Variants in IRF4 observed in about 807,000 individuals in gnomAD.
The protein encoded by IRF4 is interferon regulatory factor 4, also known as lymphocyte-specific interferon regulatory factor.
A neutral mutation model predicts 55.5 loss-of-function variants in IRF4; 13 were observed. The observed-to-expected ratio is 0.23, with a 90% CI of 0.15 to 0.37. The LOEUF (loss-of-function observed/expected upper bound fraction) is 0.37. Ranked by LOEUF, IRF4 falls within the 10% of genes least tolerant of loss-of-function variation. The pLI is 1.00. For synonymous variants in IRF4, 249 were observed against 240.7 expected (o/e 1.03, Z -0.32); for missense variants, 397 against 593.8 (o/e 0.67, Z 3.44).
intron 3 of IRF4, 56 bp downstream of exon 3, chr6:395,063 A>C: frequency 7.6e-7 from 1 of 1,322,900 alleles, no homozygotes; most frequent in Non-Finnish European, 1.0e-6. Flanking sequence ...TCCTTGAGGC[A>C]CCTTAACTTC....
chr6:409,590 A>G lies in IRF4; in HGVS notation c.*1992A>G, dbSNP rs1761639221. ...ACCCAGTAGGGTTTGACATTTCATTAGCCATGCAACATGGATATGTATTGG... is the reference window on the plus strand; with the variant it reads ...ACCCAGTAGGGTTTGACATTTCATTGGCCATGCAACATGGATATGTATTGG... On this transcript the variant is annotated 3_prime_UTR_variant, in exon 9 of 9. Coordinates refer to ENST00000380956, the MANE Select transcript of IRF4 (RefSeq NM_002460.4). The G allele has an allele frequency of 4.5e-6, 1 of 221,180 alleles. No individual in the cohort carries two copies. Among genetic ancestry groups the G allele is most frequent in the Admixed American group, 5.8e-5 (1 of 17,354 alleles). 13.7% of individuals were successfully genotyped at this position (221,180 alleles called of 1,614,324 possible). A position where few individuals can be genotyped will look rare whatever the true frequency, so the allele number is the denominator to read the frequency against.
intron 7 of IRF4, among the ~76,000 whole-genome samples, chr6:403,336 T>C (rs1761458286): frequency 6.6e-6 from 1 of 152,254 alleles, no homozygotes; most frequent in African/African-American, 2.4e-5. Flanking sequence ...CCAGGAAGGC[T>C]AAGGCCCACT....
intron 7 of IRF4, among the ~76,000 whole-genome samples, chr6:402,372 C>T (rs376041466): frequency 6.6e-6 from 1 of 152,078 alleles, no homozygotes; most frequent in Non-Finnish European, 1.5e-5. Flanking sequence ...TCTGTGAAGC[C>T]CCTCGCCCTG....
rs1561720852 is a variant in IRF4 at position 407,886 on chromosome 6, G to A, written c.*288G>A. The A allele has an allele frequency of 2.8e-6, 1 of 359,704 alleles. No individual in the cohort carries two copies. The highest frequency in any genetic ancestry group is 5.0e-6 in the Non-Finnish European group (1 of 199,246). 22.3% of individuals were successfully genotyped at this position (359,704 alleles called of 1,614,324 possible). Reference sequence around the variant, plus strand: ...CCCTCTTACTGTTTTGAGGAATTCAGAAGTGGAGATTTCAGTTCAGCGGTT... The same window carrying A: ...CCCTCTTACTGTTTTGAGGAATTCAAAAGTGGAGATTTCAGTTCAGCGGTT... On this transcript the variant is annotated 3_prime_UTR_variant, in exon 9 of 9. Coordinates refer to ENST00000380956, the MANE Select transcript of IRF4 (RefSeq NM_002460.4).
At position 408,517 on chromosome 6, in the gene IRF4, A is replaced by T. The variant is rs1273392240; in HGVS notation, c.*919A>T. 4.4e-6 allele frequency: 1 copy of T among 229,878 alleles called. No individual in the cohort carries two copies. Among genetic ancestry groups the T allele is most frequent in the East Asian group, 6.1e-5 (1 of 16,284 alleles). 14.2% of individuals were successfully genotyped at this position (229,878 alleles called of 1,614,324 possible). On this transcript the variant is annotated 3_prime_UTR_variant, in exon 9 of 9. Coordinates refer to ENST00000380956, the MANE Select transcript of IRF4 (RefSeq NM_002460.4). ...TTTTTGTCTGTCCTACAATCTAGTA[A>T]TGTCTAAGTAATGGTTAAGTTTTCT... is the stretch of plus-strand genomic sequence containing the variant.
chr6:392,107 C>T (rs1444761226), intron 1 of IRF4, among the ~76,000 whole-genome samples: 1 of 152,214 alleles, frequency 6.6e-6, no homozygotes, highest in Admixed American at 6.5e-5. Context: ...ACTGTCGGGG[C>T]CCCAGGAGTG....
chr6:400,879 ACTTG>A (rs1338786041), intron 6 of IRF4, among the ~76,000 whole-genome samples: 1 of 152,166 alleles, frequency 6.6e-6, no homozygotes, highest in Non-Finnish European at 1.5e-5. Context: ...ATGTGGACCG[ACTTG>A]CTTCTTTCTG....
chr6:394,998 G>A lies in IRF4; in HGVS notation c.394G>A (p.Ala132Thr). Residue 132 changes from alanine to threonine, a missense_variant, in exon 3 of 9, where the codon GCC (alanine) becomes ACC (threonine). Transcript: ENST00000380956. ...YKVYRIVPEG[A>T]KKGAKQLTLE... The stretch of plus-strand genomic sequence containing the variant: ...AGTGTACAGGATTGTTCCTGAGGGA[G>A]CCAAAAAAGGTAGGGGCTCTCCTGA... 2 of 1,592,374 alleles carry A rather than the reference G, an allele frequency of 1.3e-6. No individual in the cohort carries two copies. The highest frequency in any genetic ancestry group is 1.1e-5 in the South Asian group (1 of 87,240).
chr6:398,299 G>A (rs1288883404), intron 5 of IRF4, among the ~76,000 whole-genome samples: 2 of 152,218 alleles, frequency 1.3e-5, no homozygotes, highest in African/African-American at 4.8e-5. Flanking sequence ...AACAGTAAAT[G>A]AAGCAGCAGC....
chr6:404,521 C>G (rs974182917), intron 7 of IRF4, among the ~76,000 whole-genome samples: 3 of 152,174 alleles, frequency 2.0e-5, no homozygotes, highest in Non-Finnish European at 4.4e-5. Flanking sequence ...TTCTGTGGTG[C>G]CTGAGTTACG....
chr6:394,019 A>ACGTGTGT (rs1761192937), intron 2 of IRF4, among the ~76,000 whole-genome samples: 1 of 152,134 alleles, frequency 6.6e-6, no homozygotes, highest in Admixed American at 6.5e-5. Context: ...GAGTGCACAC[A>ACGTGTGT]CGTGTGTCGT....
chr6:401,470 G>A lies in IRF4; in HGVS notation c.792G>A (p.Lys264=). The A allele has an allele frequency of 1.2e-6, 2 of 1,613,820 alleles. No individual in the cohort carries two copies. Among genetic ancestry groups the A allele is most frequent in the Non-Finnish European group, 1.7e-6 (2 of 1,180,032 alleles). ...ICLYYREILV[K]ELTTSSPEGC... ...TGTACTACCGGGAAATCCTCGTGAA[G>A]GAGCTGACCACGTCCAGCCCCGAGG... The change falls in exon 7 of 9, where the codon AAG becomes AAA. Residue 264 remains lysine, a synonymous_variant. Transcript: ENST00000380956.
At position 407,938 on chromosome 6, in the gene IRF4, G is replaced by T; in HGVS notation, c.*340G>T. On this transcript the variant is annotated 3_prime_UTR_variant, in exon 9 of 9. Coordinates refer to ENST00000380956, the MANE Select transcript of IRF4 (RefSeq NM_002460.4). ...AGGAGAATTGCGGCGAGACAAGCAT[G>T]GAAAATCAGTGACATCTGATTGGCA... 1 of 316,902 alleles carries T rather than the reference G, an allele frequency of 3.2e-6. No individual in the cohort carries two copies. The allele number at this position is 316,902 out of a possible 1,614,324, so 19.6% of individuals were successfully genotyped here. A position where few individuals can be genotyped will look rare whatever the true frequency, so the allele number is the denominator to read the frequency against.
At chr6:397,740 A>C (rs1306134613) in intron 5 of IRF4, among the ~76,000 whole-genome samples, 1 of 152,206 alleles carries the variant, frequency 6.6e-6, no homozygotes, top group African/African-American at 2.4e-5. Context: ...TCCCAGAAAG[A>C]CTTGCTGATT....
At chr6:391,876 C>T (rs956248352) in intron 1 of IRF4, 67 bp downstream of exon 1, 1 of 453,644 alleles carries the variant, frequency 2.2e-6, no homozygotes, top group East Asian at 7.0e-5. Flanking sequence ...GGAGCGCGAA[C>T]CAGAGGTTCG....
chr6:403,815 T>C (rs564826978), intron 7 of IRF4, among the ~76,000 whole-genome samples: 8 of 152,342 alleles, frequency 5.3e-5, no homozygotes, highest in Non-Finnish European at 1.0e-4. Context: ...TCTCATGTTA[T>C]CTAGGGTTGG....
At chr6:405,489 T>C (rs1386771022) in intron 8 of IRF4, among the ~76,000 whole-genome samples, 2 of 152,228 alleles carry the variant, frequency 1.3e-5, no homozygotes, top group Admixed American at 6.5e-5. Flanking sequence ...TTAAGATTGC[T>C]GTAAGAATGC....
At chr6:391,842 T>TGA (rs1475590075) in intron 1 of IRF4, 33 bp downstream of exon 1, 9 of 455,254 alleles carry the variant, frequency 2.0e-5, no homozygotes, top group Admixed American at 1.9e-4. Context: ...AGGAGGGGTG[T>TGA]GAGGCTGATA....
chr6:407,469 A>T lies in IRF4; in HGVS notation c.1227A>T (p.Leu409=). ...TCTTATTAAAGGTAGAACCTCTGCT[A>T]GCCAGACAACTATATTATTTTGCTC... is the stretch of plus-strand genomic sequence containing the variant. The part of the protein sequence containing the change: ...KLITAHVEPL[L]ARQLYYFAQQ... The change falls in exon 9 of 9, where the codon CTA becomes CTT. Residue 409 remains leucine (L), a synonymous_variant. Coordinates refer to ENST00000380956, the MANE Select transcript of IRF4 (RefSeq NM_002460.4). 6.2e-7 allele frequency: 1 copy of T among 1,605,314 alleles called. No homozygotes were observed. Among genetic ancestry groups the T allele is most frequent in the African/African-American group, 1.3e-5 (1 of 74,378 alleles).
Sources: allele counts gnomAD v4.1 joint callset (sites outside exome capture counted in the v4.1 genomes callset), GRCh38; gene constraint gnomAD v4.1.1; transcripts MANE v1.5; gene names NCBI Gene and HGNC (gene_info 2026-07-23, HGNC 2026-07-21).